The following FMN2 variants were observed in gnomAD, a reference collection of about 807,000 sequenced individuals.
FMN2 encodes formin 2.
Under a neutral mutation model 142.3 loss-of-function variants are expected in FMN2, and 51 were observed. The ratio of observed to expected loss-of-function variants is 0.36; its 90% confidence interval spans 0.29 to 0.45. The LOEUF is 0.45. FMN2 is among the 20% of genes least tolerant of loss of function. The pLI is 1.00. For missense variants in FMN2, 1,936 were observed against 2,122.8 expected (o/e 0.91, Z 1.73); for synonymous variants, 882 against 869.8 (o/e 1.01, Z -0.25).
chr1:240,168,274 G>C (rs555814386), intron 2 of FMN2, among the ~76,000 whole-genome samples: 1 of 152,022 alleles, frequency 6.6e-6, no homozygotes, highest in South Asian at 2.1e-4. Flanking sequence ...TCTTATAAAT[G>C]GTTCAAATGA....
chr1:240,318,142 G>T (rs1268595643), intron 8 of FMN2, among the ~76,000 whole-genome samples: 1 of 152,174 alleles, frequency 6.6e-6, no homozygotes, highest in Non-Finnish European at 1.5e-5. Context: ...GCTGCTGGGT[G>T]GAAGTTTGGC....
At chr1:240,300,145 T>G (rs925179106) in intron 8 of FMN2, among the ~76,000 whole-genome samples, 4 of 152,318 alleles carry the variant, frequency 2.6e-5, no homozygotes, top group African/African-American at 9.6e-5. Context: ...TAGTTCCAAC[T>G]GCATGAAACC....
intron 14 of FMN2, among the ~76,000 whole-genome samples, chr1:240,377,554 C>CT (rs1300690144): frequency 1.3e-5 from 2 of 152,012 alleles, no homozygotes; most frequent in Non-Finnish European, 2.9e-5. Context: ...ATTTCTTTGC[C>CT]TTTTTTTAGA....
chr1:240,359,770 TA>T (rs1269474630), intron 14 of FMN2, among the ~76,000 whole-genome samples: 21 of 152,244 alleles, frequency 1.4e-4, no homozygotes, highest in Admixed American at 1.4e-3. Flanking sequence ...GAATTGAGAA[TA>T]TACTCACTCA....
chr1:240,144,540 C>A lies in FMN2; in HGVS notation c.1782+21195C>A. ...ACATCCTCGCAGGATGTGAAGATGT[C>A]TTCTACCAGCTCCATGTCATTGCGC... On this transcript the variant is annotated intron_variant, in intron 2 of 17. Coordinates refer to ENST00000319653, the MANE Select transcript of FMN2 (RefSeq NM_020066.5). The A allele has an allele frequency of 2.8e-6, 4 of 1,445,844 alleles. No homozygotes were observed. The South Asian group carries it at 4.6e-5, about 16-fold the overall frequency. The allele number at this position is 1,445,844 out of a possible 1,614,324, so 89.6% of individuals were successfully genotyped here.
intron 14 of FMN2, among the ~76,000 whole-genome samples, chr1:240,364,698 G>A (rs773228118): frequency 2.0e-5 from 3 of 152,080 alleles, no homozygotes; most frequent in East Asian, 3.9e-4. Flanking sequence ...CCTAACCACC[G>A]CCTCCTGCAT....
intron 7 of FMN2, among the ~76,000 whole-genome samples, chr1:240,277,525 CTTTTTTTTTTTTT>C (rs34678861): frequency 1.5e-5 from 1 of 66,150 alleles, no homozygotes. Flanking sequence ...GCATCTTCTT[CTTTTTTTTTTTTT>C]TTTTTTTTTT....
intron 13 of FMN2, among the ~76,000 whole-genome samples, chr1:240,336,059 CT>C (rs1671543736): frequency 1.3e-5 from 2 of 152,164 alleles, no homozygotes; most frequent in Non-Finnish European, 2.9e-5. Flanking sequence ...AGGAGAATCA[CT>C]TGAACCTGGG....
rs34583168 is a variant in FMN2, at chr1:240,406,292, G to C, written c.4910+13730G>C. 6.2e-4 allele frequency among the ~76,000 whole-genome samples: 22 copies of C among 35,444 alleles called. 1 individual carries two copies. In the South Asian group the frequency reaches 0.018, roughly 30 times the overall value. 23.3% of individuals were successfully genotyped at this position (35,444 alleles called of 152,430 possible). On this transcript the variant is annotated intron_variant, in intron 15 of 17. Transcript: ENST00000319653. ...AGCGAAGGGAAGCAGCCTCGGGAGT[G>C]GGGGGAGCGAAGGGAAGCAGCCTCG...
At chr1:240,242,959 C>A (rs929531097) in intron 6 of FMN2, among the ~76,000 whole-genome samples, 7 of 152,100 alleles carry the variant, frequency 4.6e-5, no homozygotes, top group Non-Finnish European at 7.4e-5. Flanking sequence ...TCTGGAGATA[C>A]CACTTGTGGG....
chr1:240,400,199 G>A (rs1673926265), intron 15 of FMN2, among the ~76,000 whole-genome samples: 1 of 152,128 alleles, frequency 6.6e-6, no homozygotes, highest in South Asian at 2.1e-4. Context: ...GGAAGGCTGT[G>A]CATAAGCTTA....
chr1:240,329,035 T>A, intron 8 of FMN2, 41 bp from the exon 9 acceptor site: 2 of 1,562,992 alleles, frequency 1.3e-6, no homozygotes, highest in Non-Finnish European at 1.8e-6. Flanking sequence ...GGGATTCAGT[T>A]GGCCAGACTT....
chr1:240,404,285 G>T (rs1359560580), intron 15 of FMN2, among the ~76,000 whole-genome samples: 1 of 152,200 alleles, frequency 6.6e-6, no homozygotes, highest in Non-Finnish European at 1.5e-5. Context: ...CTGGCACATG[G>T]ATAAAATGAA....
chr1:240,096,115 C>G (rs1661187549), intron 1 of FMN2, among the ~76,000 whole-genome samples: 1 of 152,122 alleles, frequency 6.6e-6, no homozygotes, highest in Non-Finnish European at 1.5e-5. Context: ...ATAACTTTCT[C>G]AAGGTCACAC....
intron 2 of FMN2, among the ~76,000 whole-genome samples, chr1:240,149,752 G>T (rs1239220606): frequency 4.6e-5 from 7 of 152,174 alleles, no homozygotes; most frequent in Non-Finnish European, 1.0e-4. Flanking sequence ...GGAGTTACAG[G>T]AAGGCGTCTT....
At chr1:240,270,795 A>T (rs943513890) in intron 7 of FMN2, among the ~76,000 whole-genome samples, 17 of 151,930 alleles carry the variant, frequency 1.1e-4, no homozygotes, top group Admixed American at 9.9e-4. Flanking sequence ...AAGTCAAAGT[A>T]ATAGAGGTAG....
At chr1:240,418,687 A>C (rs1268292651) in intron 15 of FMN2, among the ~76,000 whole-genome samples, 1 of 152,244 alleles carries the variant, frequency 6.6e-6, no homozygotes, top group Non-Finnish European at 1.5e-5. Flanking sequence ...GCCAACGTGT[A>C]TAAGTATACA....
Position 240,290,780 on chromosome 1 carries a change from G to GTTTTT in FMN2, c.4154-4034_4154-4030dup, listed in dbSNP as rs869026471. On this transcript the variant is annotated intron_variant, in intron 7 of 17. Transcript: ENST00000319653. ...GTCTGGAGTGATGTCTGTTTGTTTG[G>GTTTTT]TTTTTTTTTTTTGTTTTTTTTTTTT... Among the ~76,000 whole-genome samples the GTTTTT allele has an allele frequency of 3.0e-3, 296 of 100,168 alleles. 25 individuals carry two copies. Among genetic ancestry groups the GTTTTT allele is most frequent in the African/African-American group, 6.6e-3 (143 of 21,818 alleles). The allele number at this position is 100,168 out of a possible 152,430, so 65.7% of individuals were successfully genotyped here.
At chr1:240,426,314 A>AG (rs1236807315) in intron 15 of FMN2, among the ~76,000 whole-genome samples, 3 of 151,936 alleles carry the variant, frequency 2.0e-5, no homozygotes, top group Non-Finnish European at 4.4e-5. Flanking sequence ...TCAAGTAAAA[A>AG]AAATCAAAGC....
Sources: gnomAD v4.1 joint callset for allele counts (sites outside exome capture counted in the v4.1 genomes callset) on GRCh38, gnomAD v4.1.1 for gene constraint, MANE v1.5 for transcripts, NCBI Gene and HGNC (gene_info 2026-07-23, HGNC 2026-07-21) for gene names.